OR4K1: variants seen among roughly 807,000 people sequenced by gnomAD.
OR4K1 encodes the protein olfactory receptor 4K1.
OR4K1 carries 16 observed loss-of-function variants against 14.4 expected under a neutral mutation model. The ratio of observed to expected loss-of-function variants is 1.11; its 90% CI spans 0.75 to 1.68. The LOEUF (loss-of-function observed/expected upper bound fraction) is 1.68, where lower values mean the gene tolerates loss of function less well. OR4K1 is among the 40% of genes most tolerant of loss of function. OR4K1 has a pLI of 0.00. For missense variants in OR4K1, 548 were observed against 376.9 expected, an observed-to-expected ratio of 1.45 and a Z score of -3.76; for synonymous variants, 181 against 133.1, an observed-to-expected ratio of 1.36 and a Z score of -2.48.
chr14:19,920,924 T>C, the OR4K1 span: 1 of 1,614,194 alleles, frequency 6.2e-7, no homozygotes, highest in East Asian at 2.2e-5. Context: ...TTATTCACCT[T>C]TTTACTGGAG....
rs1158991517 is a variant in OR4K1 at position 19,930,977 on chromosome 14, A to G, written c.-188A>G. ...CTGAGGACCTGAGAGGCTTCCTTCCATACGGCATAGTGTAGGGAACCAAGT... is the reference window on the plus strand; with the variant it reads ...CTGAGGACCTGAGAGGCTTCCTTCCGTACGGCATAGTGTAGGGAACCAAGT... On this transcript the variant is annotated 5_prime_UTR_variant, in exon 1 of 2. Coordinates refer to ENST00000641172, the MANE Select transcript of OR4K1 (RefSeq NM_001004063.3). 6.6e-6 allele frequency: 1 copy of G among 152,246 alleles called. No individual in the cohort carries two copies. Among genetic ancestry groups the G allele is most frequent in the Admixed American group, 6.5e-5 (1 of 15,296 alleles). The allele number at this position is 152,246 out of a possible 1,614,324, so 9.4% of individuals were successfully genotyped here.
At chr14:19,921,933 C>A in the OR4K1 span, among the ~76,000 whole-genome samples, 1 of 152,326 alleles carries the variant, frequency 6.6e-6, no homozygotes, top group Non-Finnish European at 1.5e-5. Context: ...GTTTTCTTAA[C>A]AACATGCCTA....
intron 1 of OR4K1, among the ~76,000 whole-genome samples, chr14:19,932,975 A>AGT (rs1346681836): frequency 8.0e-5 from 5 of 62,510 alleles, no homozygotes; most frequent in Non-Finnish European, 1.4e-4. Context: ...AACACTTATA[A>AGT]ATATATATTT....
At chr14:19,927,164 C>T (rs560884919), upstream of OR4K1, among the ~76,000 whole-genome samples, 3 of 152,322 alleles carry the variant, frequency 2.0e-5, no homozygotes, top group East Asian at 5.8e-4. Context: ...ATTTCTGTGG[C>T]ATTAATATAT....
chr14:19,925,816 C>T, the OR4K1 span, among the ~76,000 whole-genome samples: 1 of 152,252 alleles, frequency 6.6e-6, no homozygotes, highest in Non-Finnish European at 1.5e-5. Context: ...GCTTTAGTTC[C>T]ATTGACTAAA....
At chr14:19,922,490 C>T in the OR4K1 span, among the ~76,000 whole-genome samples, 32 of 152,316 alleles carry the variant, frequency 2.1e-4, no homozygotes, top group South Asian at 5.2e-3. Flanking sequence ...GGGGGCCTCA[C>T]TCATATTCTC....
upstream of OR4K1, among the ~76,000 whole-genome samples, chr14:19,929,306 T>C (rs1594453142): frequency 6.7e-6 from 1 of 149,226 alleles, no homozygotes; most frequent in Non-Finnish European, 1.5e-5. Context: ...TTTTTATATA[T>C]AGATATATAT....
At chr14:19,932,744 A>G (rs1882213342) in intron 1 of OR4K1, among the ~76,000 whole-genome samples, 2 of 152,150 alleles carry the variant, frequency 1.3e-5, no homozygotes, top group Admixed American at 6.6e-5. Flanking sequence ...GAGTTCCTTC[A>G]ATTATAAAAT....
At chr14:19,921,186 A>G in the OR4K1 span, 1 of 1,614,210 alleles carries the variant, frequency 6.2e-7, no homozygotes, top group South Asian at 1.1e-5. Context: ...GGACTCTTAC[A>G]TCATTGAAAT....
upstream of OR4K1, among the ~76,000 whole-genome samples, chr14:19,928,734 C>T (rs1199772034): frequency 6.6e-6 from 1 of 152,124 alleles, no homozygotes; most frequent in Non-Finnish European, 1.5e-5. Context: ...ATTATGTTGA[C>T]ATTTTTTCAA....
upstream of OR4K1, among the ~76,000 whole-genome samples, chr14:19,930,082 G>A (rs1882152556): frequency 6.6e-6 from 1 of 151,948 alleles, no homozygotes; most frequent in African/African-American, 2.4e-5. Flanking sequence ...TTTAATTATT[G>A]AATGTATTTC....
At chr14:19,932,981 TA>T (rs1298471188) in intron 1 of OR4K1, among the ~76,000 whole-genome samples, 1 of 3,426 alleles carries the variant, frequency 2.9e-4, no homozygotes. Flanking sequence ...TATAAATATA[TA>T]TTTATAGCAC....
At chr14:19,931,274 A>G (rs1366541276) in intron 1 of OR4K1, 129 bp downstream of exon 1, 1 of 152,302 alleles carries the variant, frequency 6.6e-6, no homozygotes, top group African/African-American at 2.4e-5. Context: ...AGACAAATTG[A>G]AAACTCCCTC....
At chr14:19,921,115 G>A in the OR4K1 span, 1 of 1,614,134 alleles carries the variant, frequency 6.2e-7, no homozygotes, top group Non-Finnish European at 8.5e-7. Flanking sequence ...CCTTTTTGTG[G>A]ACCTAATGTA....
intron 1 of OR4K1, among the ~76,000 whole-genome samples, chr14:19,934,203 T>C (rs1882251834): frequency 6.6e-6 from 1 of 152,180 alleles, no homozygotes; most frequent in Non-Finnish European, 1.5e-5. Flanking sequence ...AGAGCTAAGG[T>C]CAAAAATGTT....
chr14:19,934,865 G>T (rs1471271200), intron 1 of OR4K1, among the ~76,000 whole-genome samples: 1 of 152,130 alleles, frequency 6.6e-6, no homozygotes, highest in Non-Finnish European at 1.5e-5. Flanking sequence ...TAGAGACGGG[G>T]TTTCACCATG....
At chr14:19,928,228 T>G (rs149311232), upstream of OR4K1, among the ~76,000 whole-genome samples, 2 of 152,248 alleles carry the variant, frequency 1.3e-5, no homozygotes, top group Non-Finnish European at 2.9e-5. Context: ...GATCCACTTA[T>G]GGATTTTGTG....
rs549971271 is a variant in OR4K1 at position 19,935,835 on chromosome 14, T to G, written c.169T>G (p.Ser57Ala). The change falls in exon 2 of 2, where the codon TCT becomes GCT. Residue 57 changes from serine to alanine, a missense_variant. Transcript: ENST00000641172. ...TATTTCTTTTGACTCCCATTTGAAC[T>G]CTCCTATGTACTTCTTGCTCAGTAA... ...VIISFDSHLNSPMYFLLSNLS... is the reference protein window; with the variant it reads ...VIISFDSHLNAPMYFLLSNLS... The G allele has an allele frequency of 3.1e-6, 5 of 1,614,232 alleles. No homozygotes were observed. In the East Asian group the frequency reaches 8.9e-5, roughly 29 times the overall value.
chr14:19,932,693 TAAACTTGGGCAATTTACTTAGCCTA>T (rs1411237489), intron 1 of OR4K1, among the ~76,000 whole-genome samples: 4 of 152,344 alleles, frequency 2.6e-5, no homozygotes, highest in South Asian at 4.1e-4. Flanking sequence ...ACTAGTAGTA[TAAACTTGGGCAATTTACTTAGCCTA>T]AGCTTCTCTG....
Sources: allele counts gnomAD v4.1 joint callset (sites outside exome capture counted in the v4.1 genomes callset), GRCh38; gene constraint gnomAD v4.1.1; transcripts MANE v1.5; gene names NCBI Gene and HGNC (gene_info 2026-07-23, HGNC 2026-07-21).